CPPED1: variants seen among roughly 807,000 people sequenced by gnomAD.
CPPED1 encodes the protein calcineurin like phosphoesterase domain containing 1.
A neutral mutation model predicts 28.0 loss-of-function variants in CPPED1; 28 were observed. The observed-to-expected ratio is 1.00, with a 90% confidence interval of 0.74 to 1.37. The LOEUF (loss-of-function observed/expected upper bound fraction) is 1.37. CPPED1 is among the 40% of genes most tolerant of loss of function. The pLI, the probability that CPPED1 is intolerant of heterozygous loss-of-function variation, is 0.00. For missense variants in CPPED1, 504 were observed against 416.5 expected (o/e 1.21, Z -1.83); for synonymous variants, 198 against 180.2 (o/e 1.10, Z -0.79).
At chr16:12,763,656 T>G (rs1452967522) in intron 2 of CPPED1, among the ~76,000 whole-genome samples, 2 of 152,148 alleles carry the variant, frequency 1.3e-5, no homozygotes, top group African/African-American at 4.8e-5. Context: ...ACAGAGAGAT[T>G]AGATAACTTG....
chr16:12,803,708 T>G lies in CPPED1; in HGVS notation c.69A>C (p.Ala23=). Residue 23 remains alanine (A), a splice_region_variant and synonymous_variant, in exon 1 of 4, where the codon GCA becomes GCC. Transcript: ENST00000381774. ...CCCCGGGTGAGGGGCGGGCAGTACC[T>G]GCGGGAAACGCGGCCAGGGTCCTGC... ...ARGRTLAAFP[A]EKESEWKGPF... is the part of the protein sequence containing the mutation. The G allele has an allele frequency of 6.3e-7, 1 of 1,576,976 alleles. No homozygotes were observed. The highest frequency in any genetic ancestry group is 1.8e-5 in the Admixed American group (1 of 54,396).
chr16:12,803,855 C>G lies in CPPED1; in HGVS notation c.-79G>C. 1 of 1,377,768 alleles carries G rather than the reference C, an allele frequency of 7.3e-7. No individual in the cohort carries two copies. Among genetic ancestry groups the G allele is most frequent in the African/African-American group, 1.5e-5 (1 of 67,654 alleles). The allele number at this position is 1,377,768 out of a possible 1,614,324, so 85.3% of individuals were successfully genotyped here. On this transcript the variant is annotated 5_prime_UTR_variant, in exon 1 of 4. Coordinates refer to ENST00000381774, the MANE Select transcript of CPPED1 (RefSeq NM_018340.3). ...GACTTCACACAGAACAACCGCTGGA[C>G]CTGTCCCGCTTTGGGCGACGCCCTT... is the stretch of plus-strand genomic sequence containing the variant.
In CPPED1 at chr16:12,660,541, T is replaced by TA. The variant is rs2079788459; in HGVS notation, c.*4344dup. On this transcript the variant is annotated 3_prime_UTR_variant, in exon 4 of 4. Transcript: ENST00000381774. ...TGTGTGTGTGTGTGTGTGTACTCATTAAAAAATACATAAGAGCTCCTCCAT... is the reference window on the plus strand; with the variant it reads ...TGTGTGTGTGTGTGTGTGTACTCATTAAAAAAATACATAAGAGCTCCTCCAT... The TA allele has an allele frequency of 6.7e-6, 1 of 149,844 alleles. No homozygotes were observed. The highest frequency in any genetic ancestry group is 2.1e-4 in the South Asian group (1 of 4,718). The allele number at this position is 149,844 out of a possible 1,614,324, so 9.3% of individuals were successfully genotyped here.
Position 12,661,704 on chromosome 16 carries a change from C to T in CPPED1, c.*3182G>A, listed in dbSNP as rs371101905. 2.4e-4 allele frequency: 37 copies of T among 152,368 alleles called. No homozygotes were observed. In the East Asian group the frequency reaches 4.4e-3, roughly 18 times the overall value. The allele number at this position is 152,368 out of a possible 1,614,324, so 9.4% of individuals were successfully genotyped here. On this transcript the variant is annotated 3_prime_UTR_variant, in exon 4 of 4. Coordinates refer to ENST00000381774, the MANE Select transcript of CPPED1 (RefSeq NM_018340.3). ...TCCAGACATGGAGCAGCTAGAGCTG[C>T]GGACAGTTACTGCTGCAGACAGGGC...
chr16:12,748,523 A>C (rs1229557037), intron 2 of CPPED1, among the ~76,000 whole-genome samples: 4 of 152,224 alleles, frequency 2.6e-5, no homozygotes, highest in African/African-American at 4.8e-5. Flanking sequence ...CAATAAAGCA[A>C]GTCACACAAA....
intron 3 of CPPED1, among the ~76,000 whole-genome samples, chr16:12,674,140 C>T (rs1490593453): frequency 6.6e-6 from 1 of 152,174 alleles, no homozygotes; most frequent in African/African-American, 2.4e-5. Context: ...AAAAGAGAGT[C>T]CTCCCCCAAT....
intron 2 of CPPED1, chr16:12,745,734 T>C (rs989583059): frequency 2.6e-5 from 4 of 152,244 alleles, no homozygotes; most frequent in African/African-American, 9.6e-5. Flanking sequence ...CTGAGCTGAA[T>C]ACCTGGGTGA....
At chr16:12,789,556 C>CT (rs2080583976) in intron 1 of CPPED1, among the ~76,000 whole-genome samples, 1 of 151,984 alleles carries the variant, frequency 6.6e-6, no homozygotes, top group African/African-American at 2.4e-5. Context: ...AATGGGGTCT[C>CT]ACTCTGTCAC....
intron 3 of CPPED1, among the ~76,000 whole-genome samples, chr16:12,701,325 G>A (rs796372258): frequency 1.5e-4 from 23 of 152,192 alleles, no homozygotes; most frequent in African/African-American, 5.3e-4. Flanking sequence ...AGGTCAGTCA[G>A]GAGTTCAAGA....
chr16:12,787,470 G>A (rs949436719), intron 1 of CPPED1, among the ~76,000 whole-genome samples: 1 of 149,764 alleles, frequency 6.7e-6, no homozygotes, highest in Admixed American at 6.6e-5. Flanking sequence ...CGGTGGCGTG[G>A]TCTCAGCTCA....
At chr16:12,771,250 T>C (rs1156864137) in intron 2 of CPPED1, among the ~76,000 whole-genome samples, 1 of 152,210 alleles carries the variant, frequency 6.6e-6, no homozygotes, top group Non-Finnish European at 1.5e-5. Flanking sequence ...ACATCTAGAA[T>C]AGTGCCTGGT....
intron 3 of CPPED1, among the ~76,000 whole-genome samples, chr16:12,669,212 T>C (rs2079841567): frequency 1.3e-5 from 2 of 151,962 alleles, no homozygotes; most frequent in Admixed American, 1.3e-4. Context: ...TTAAGCTAAG[T>C]GAGATAAGCC....
At chr16:12,781,143 G>C in intron 2 of CPPED1, 42 bp downstream of exon 2, 1 of 1,561,052 alleles carries the variant, frequency 6.4e-7, no homozygotes, top group Non-Finnish European at 8.7e-7. Flanking sequence ...AGTCATGACC[G>C]GCTGAAGGAG....
rs531955557 is a variant in CPPED1, at chr16:12,771,197, G to T, written c.289+9988C>A. Among the ~76,000 whole-genome samples the T allele has an allele frequency of 4.1e-4, 62 of 152,276 alleles. 1 individual carries two copies. Among genetic ancestry groups the T allele is most frequent in the Middle Eastern group, 3.4e-3 (1 of 294 alleles). ...GTATCTATATTCCTTATTTCTAAGT[G>T]AAGCACAGATTTCTGTCTGTTTCAT... On this transcript the variant is annotated intron_variant, in intron 2 of 3. Transcript: ENST00000381774.
At chr16:12,798,319 A>G (rs1415441815) in intron 1 of CPPED1, among the ~76,000 whole-genome samples, 3 of 152,224 alleles carry the variant, frequency 2.0e-5, no homozygotes. Flanking sequence ...TATCTCAAAT[A>G]AGAGATAACT....
chr16:12,800,659 G>A (rs913916352), intron 1 of CPPED1, among the ~76,000 whole-genome samples: 12 of 152,062 alleles, frequency 7.9e-5, no homozygotes, highest in Non-Finnish European at 1.2e-4. Flanking sequence ...ATTAGGACAC[G>A]ACAAAAATCC....
intron 2 of CPPED1, among the ~76,000 whole-genome samples, chr16:12,769,518 C>A (rs1474945835): frequency 1.3e-5 from 2 of 152,114 alleles, no homozygotes; most frequent in African/African-American, 4.8e-5. Context: ...GGCGATCACA[C>A]ACCTAATCAG....
chr16:12,788,731 T>C (rs2080579030), intron 1 of CPPED1, among the ~76,000 whole-genome samples: 1 of 152,220 alleles, frequency 6.6e-6, no homozygotes. Flanking sequence ...CAGAACATGC[T>C]CTGGGCTTCC....
Position 12,682,865 on chromosome 16 carries a change from A to G in CPPED1, c.716-17750T>C, listed in dbSNP as rs1323638391. 6.6e-6 allele frequency among the ~76,000 whole-genome samples: 1 copy of G among 152,258 alleles called. No individual in the cohort carries two copies. Among genetic ancestry groups the G allele is most frequent in the African/African-American group, 2.4e-5 (1 of 41,466 alleles). ...GCGTGTGAAATGGAGCGTGGGGCCCACATTAAGGTTTCAATCCAGAATGGA... is the reference window on the plus strand; with the variant it reads ...GCGTGTGAAATGGAGCGTGGGGCCCGCATTAAGGTTTCAATCCAGAATGGA... On this transcript the variant is annotated intron_variant, in intron 3 of 3. Transcript: ENST00000381774. The surrounding 1 kb of genome is among the most constrained non-coding windows in gnomAD (Gnocchi z 6.1).
Sources: gnomAD v4.1 joint callset for allele counts (sites outside exome capture counted in the v4.1 genomes callset) on GRCh38, gnomAD v4.1.1 for gene constraint, Gnocchi (gnomAD v3.1) non-coding constraint, MANE v1.5 for transcripts, NCBI Gene and HGNC (gene_info 2026-07-23, HGNC 2026-07-21) for gene names.